The following DZIP3 variants were observed in gnomAD, a reference collection of about 807,000 sequenced individuals.
The protein encoded by DZIP3 is DAZ interacting zinc finger protein 3.
DZIP3 carries 118 observed loss-of-function variants against 162.0 expected under a neutral mutation model. The ratio of observed to expected loss-of-function variants is 0.73; its 90% CI spans 0.63 to 0.85. The LOEUF is 0.85. DZIP3 is among the 40% of genes least tolerant of loss of function. DZIP3 has a pLI of 0.00. For missense variants in DZIP3, 1,331 were observed against 1,407.0 expected (o/e 0.95, Z 0.86); for synonymous variants, 438 against 458.6 (o/e 0.96, Z 0.57).
In DZIP3 at chr3:108,672,627, G is replaced by A. The variant is rs773671554; in HGVS notation, c.2560G>A (p.Ala854Thr). 17 of 1,611,708 alleles carry A rather than the reference G, an allele frequency of 1.1e-5. No homozygotes were observed. Among genetic ancestry groups the A allele is most frequent in the South Asian group, 3.3e-5 (3 of 90,954 alleles). ...TMKTYVSKLN[A>T]ETSRALTAEV... ...GAAAACATACGTAAGCAAACTGAAC[G>A]CAGAAACTAGCAGAGCTTTAACAGC... Residue 854 changes from alanine to threonine, a missense_variant, in exon 23 of 33, where the codon GCA becomes ACA. By Grantham distance (58) the Ala-to-Thr change is moderately conservative (BLOSUM62 0). Transcript: ENST00000361582.
intron 13 of DZIP3, 97 bp downstream of exon 13, chr3:108,642,611 G>A: frequency 5.5e-6 from 7 of 1,275,116 alleles, no homozygotes; most frequent in Non-Finnish European, 7.3e-6. Context: ...CGTCTTTACT[G>A]TGTTTGTCAT....
At chr3:108,602,468 C>T (rs1230102898) in intron 1 of DZIP3, among the ~76,000 whole-genome samples, 1 of 152,134 alleles carries the variant, frequency 6.6e-6, no homozygotes, top group African/African-American at 2.4e-5. Context: ...TGTAAATTGA[C>T]ATTGAACTTT....
At chr3:108,590,730 G>T (rs1203641064) in intron 1 of DZIP3, among the ~76,000 whole-genome samples, 1 of 152,206 alleles carries the variant, frequency 6.6e-6, no homozygotes, top group East Asian at 1.9e-4. Context: ...TAGAGAGCCA[G>T]GTTGCTTACA....
intron 5 of DZIP3, among the ~76,000 whole-genome samples, chr3:108,623,303 C>G (rs1369484843): frequency 6.6e-6 from 1 of 152,084 alleles, no homozygotes; most frequent in Non-Finnish European, 1.5e-5. Flanking sequence ...CAGCATAGCT[C>G]TGAGTCTCAC....
rs145708131 is a variant in DZIP3, at chr3:108,608,888, G to A, written c.102+730G>A. On this transcript the variant is annotated intron_variant, in intron 3 of 32. Coordinates refer to ENST00000361582, the MANE Select transcript of DZIP3 (RefSeq NM_014648.4). ...GACTGGGTAATTTATAAAGAAAAGA[G>A]GTTTAATTGAATCACAGTTTCTTAG... Among the ~76,000 whole-genome samples the A allele has an allele frequency of 1.5e-3, 236 of 152,288 alleles. 1 individual carries two copies. The highest frequency in any genetic ancestry group is 5.5e-3 in the African/African-American group (230 of 41,552).
At chr3:108,592,536 A>C (rs1180094770) in intron 1 of DZIP3, among the ~76,000 whole-genome samples, 1 of 151,976 alleles carries the variant, frequency 6.6e-6, no homozygotes, top group Non-Finnish European at 1.5e-5. Context: ...TCTACTAAAA[A>C]TACAGAAAAT....
intron 22 of DZIP3, 114 bp from the exon 23 acceptor site, chr3:108,672,446 T>G: frequency 1.2e-6 from 1 of 855,630 alleles, no homozygotes; most frequent in South Asian, 1.6e-5. Flanking sequence ...CTCTATACTT[T>G]TCCAAGAAAT....
rs934885384 is a variant in DZIP3 at position 108,644,335 on chromosome 3, A to G, written c.1313A>G (p.His438Arg). ...HKNVLESYYN[H>R]LWTNHPLGGS... is the part of the protein sequence containing the mutation. ...AATGTGCTGGAATCCTACTACAACC[A>G]TCTTTGGACCAATCATCCTTTGGGT... Residue 438 changes from histidine to arginine, a missense_variant, in exon 14 of 33, where the codon CAT becomes CGT. This residue lies in a region of DZIP3 where 1,278 missense variants were observed against 1,317.1 expected (regional missense o/e 0.97). Transcript: ENST00000361582. The G allele has an allele frequency of 4.3e-6, 7 of 1,613,982 alleles. No homozygotes were observed. The highest frequency in any genetic ancestry group is 1.3e-5 in the African/African-American group (1 of 74,914).
chr3:108,590,770 T>C (rs1939355297), intron 1 of DZIP3, among the ~76,000 whole-genome samples: 1 of 152,204 alleles, frequency 6.6e-6, no homozygotes, highest in Non-Finnish European at 1.5e-5. Flanking sequence ...ACGATGTGAC[T>C]CTAGGCAAGT....
chr3:108,607,863 A>G (rs906270517), intron 2 of DZIP3, among the ~76,000 whole-genome samples: 4 of 152,094 alleles, frequency 2.6e-5, no homozygotes, highest in Non-Finnish European at 5.9e-5. Context: ...AGTGTTTTTC[A>G]TAATTGGCTT....
In DZIP3 at chr3:108,632,988, C is replaced by A; in HGVS notation, c.732C>A (p.Ser244Arg). 1.4e-6 allele frequency: 2 copies of A among 1,465,120 alleles called. No homozygotes were observed. Among genetic ancestry groups the A allele is most frequent in the East Asian group, 2.5e-5 (1 of 40,280 alleles). The allele number at this position is 1,465,120 out of a possible 1,614,324, so 90.8% of individuals were successfully genotyped here. A position where few individuals can be genotyped will look rare whatever the true frequency, so the allele number is the denominator to read the frequency against. ...ATAATTTTATCAAGACAACTGAAAGCAATATAATGAAGCAGACGATTTGTA... is the reference window on the plus strand; with the variant it reads ...ATAATTTTATCAAGACAACTGAAAGAAATATAATGAAGCAGACGATTTGTA... ...LLNNFIKTTE[S>R]NIMKQTICSY... Residue 244 changes from serine (S) to arginine (R), a missense_variant, in exon 9 of 33, where the codon AGC becomes AGA. Ser to Arg is a moderately radical substitution (Grantham distance 110, BLOSUM62 -1). Coordinates refer to ENST00000361582, the MANE Select transcript of DZIP3 (RefSeq NM_014648.4).
At chr3:108,668,318 G>GA (rs1196366547) in intron 21 of DZIP3, among the ~76,000 whole-genome samples, 1 of 151,988 alleles carries the variant, frequency 6.6e-6, no homozygotes, top group Non-Finnish European at 1.5e-5. Context: ...TTTTTAGAAA[G>GA]AAAATCTAGT....
At chr3:108,667,373 A>G (rs1209662294) in intron 21 of DZIP3, among the ~76,000 whole-genome samples, 2 of 152,172 alleles carry the variant, frequency 1.3e-5, no homozygotes, top group East Asian at 3.9e-4. Flanking sequence ...GATTATGCTG[A>G]TTGAAAAAAG....
chr3:108,688,819 C>T lies in DZIP3; in HGVS notation c.3415-4C>T. ...AAATTTAACATTTTCTGTATTTTCC[C>T]TAGGATGAGGAAGAGGAAGAAGAAG... On this transcript the variant is annotated splice_polypyrimidine_tract_variant and splice_region_variant and intron_variant, in intron 30 of 32. Coordinates refer to ENST00000361582, the MANE Select transcript of DZIP3 (RefSeq NM_014648.4). 4 of 1,613,968 alleles carry T rather than the reference C, an allele frequency of 2.5e-6. No homozygotes were observed. The highest frequency in any genetic ancestry group is 3.4e-6 in the Non-Finnish European group (4 of 1,179,974).
chr3:108,596,829 A>C (rs941528058), intron 1 of DZIP3, among the ~76,000 whole-genome samples: 1 of 152,210 alleles, frequency 6.6e-6, no homozygotes, highest in Admixed American at 6.5e-5. Flanking sequence ...TGGGGACATG[A>C]AGCCAAATCT....
intron 29 of DZIP3, 25 bp downstream of exon 29, chr3:108,688,121 A>C: frequency 6.2e-7 from 1 of 1,612,006 alleles, no homozygotes; most frequent in Non-Finnish European, 8.5e-7. Context: ...CAACCAAAAA[A>C]CCTGTATCTC....
intron 17 of DZIP3, among the ~76,000 whole-genome samples, chr3:108,650,200 G>T (rs542835403): frequency 2.0e-5 from 3 of 151,948 alleles, no homozygotes; most frequent in African/African-American, 7.2e-5. Flanking sequence ...GCATAAAGTT[G>T]TCATGGGAGG....
intron 5 of DZIP3, among the ~76,000 whole-genome samples, chr3:108,622,106 G>C (rs938014934): frequency 1.3e-5 from 2 of 152,028 alleles, no homozygotes; most frequent in Admixed American, 1.3e-4. Flanking sequence ...GTCATTATGT[G>C]AAGTGAAATA....
intron 1 of DZIP3, 140 bp from the exon 2 acceptor site, chr3:108,605,195 T>G: frequency 1.6e-6 from 1 of 610,096 alleles, no homozygotes; most frequent in East Asian, 3.1e-5. Flanking sequence ...GTAGTGATTA[T>G]GTTTGGGTGG....
Sources: gnomAD v4.1 joint callset for allele counts (sites outside exome capture counted in the v4.1 genomes callset) on GRCh38, gnomAD v4.1.1 for gene constraint, gnomAD v4.1.1 regional missense constraint, MANE v1.5 for transcripts, NCBI Gene and HGNC (gene_info 2026-07-23, HGNC 2026-07-21) for gene names.